ATF6: variants seen among roughly 807,000 people sequenced by gnomAD.
ATF6 encodes the protein activating transcription factor 6.
In ATF6, 53 loss-of-function variants were observed where a neutral mutation model predicts 83.6. The ratio of observed to expected loss-of-function variants is 0.63; its 90% confidence interval spans 0.51 to 0.80. ATF6 has a LOEUF of 0.80. ATF6 is among the 30% of genes least tolerant of loss of function. The probability of loss-of-function intolerance (pLI) is 0.00; values close to 1 mark genes in which losing one functional copy is unlikely to be tolerated. For missense variants in ATF6, 744 were observed against 797.9 expected, an observed-to-expected ratio of 0.93 and a Z score of 0.81; for synonymous variants, 288 against 285.8, an observed-to-expected ratio of 1.01 and a Z score of -0.08.
intron 14 of ATF6, among the ~76,000 whole-genome samples, chr1:161,886,142 A>G (rs558440848): frequency 6.6e-6 from 1 of 152,320 alleles, no homozygotes; most frequent in Non-Finnish European, 1.5e-5. Context: ...GTGGCATTTC[A>G]GACAGAGAGG....
At position 161,963,643 on chromosome 1, in the gene ATF6, G is replaced by A. The variant is rs1367439700; in HGVS notation, c.*4989G>A. The A allele has an allele frequency of 6.6e-6, 1 of 152,170 alleles. No homozygotes were observed. The highest frequency in any genetic ancestry group is 1.9e-4 in the East Asian group (1 of 5,202). 9.4% of individuals were successfully genotyped at this position (152,170 alleles called of 1,614,324 possible). On this transcript the variant is annotated 3_prime_UTR_variant, in exon 16 of 16. Transcript: ENST00000367942. ...TTGACTTTCACAGCAATTGTATATT[G>A]ATCCATTTTAACTCATCCTTGCCAT...
intron 14 of ATF6, among the ~76,000 whole-genome samples, chr1:161,892,628 C>CTTTTTTTTTTTT (rs773642361): frequency 8.0e-6 from 1 of 124,716 alleles, no homozygotes; most frequent in Non-Finnish European, 1.7e-5. Context: ...ACAGGTCATT[C>CTTTTTTTTTTTT]TTTTTTTTTT....
At position 161,823,332 on chromosome 1, in the gene ATF6, A is replaced by AT. The variant is rs201730232; in HGVS notation, c.1187+2179dup. Among the ~76,000 whole-genome samples the AT allele has an allele frequency of 2.8e-3, 424 of 151,858 alleles. 1 individual carries two copies. The highest frequency in any genetic ancestry group is 9.8e-3 in the African/African-American group (408 of 41,488). The stretch of plus-strand genomic sequence containing the variant: ...TACTACTTTATAGTTTTGTAAAAAT[A>AT]TTTTTTTTGGGGGGAAGCTCAAATA... On this transcript the variant is annotated intron_variant, in intron 9 of 15. Transcript: ENST00000367942.
intron 12 of ATF6, among the ~76,000 whole-genome samples, chr1:161,854,514 A>G (rs1355607410): frequency 6.6e-6 from 1 of 152,224 alleles, no homozygotes; most frequent in Admixed American, 6.5e-5. Flanking sequence ...CGAGAAGAAG[A>G]CAAGGGTTTG....
chr1:161,801,359 C>CTTTTT (rs1170991022), intron 6 of ATF6, among the ~76,000 whole-genome samples: 4 of 95,284 alleles, frequency 4.2e-5, no homozygotes, highest in Non-Finnish European at 6.3e-5. Context: ...TATTTGTAGT[C>CTTTTT]TTTTTTTTTT....
chr1:161,944,604 G>C (rs1688712454), intron 15 of ATF6, among the ~76,000 whole-genome samples: 1 of 152,124 alleles, frequency 6.6e-6, no homozygotes, highest in East Asian at 1.9e-4. Flanking sequence ...CAAAATGTAG[G>C]CTTGTCATCT....
At chr1:161,776,429 TTGGAAGCTGACATCTC>T (rs1684515563) in intron 1 of ATF6, among the ~76,000 whole-genome samples, 1 of 152,072 alleles carries the variant, frequency 6.6e-6, no homozygotes, top group African/African-American at 2.4e-5. Flanking sequence ...CCCTGCTTCT[TTGGAAGCTGACATCTC>T]TGTGTTGGGA....
In ATF6 at chr1:161,851,729, C is replaced by G. The variant is rs757042228; in HGVS notation, c.1327C>G (p.His443Asp). The G allele has an allele frequency of 3.7e-6, 6 of 1,611,808 alleles. No homozygotes were observed. The highest frequency in any genetic ancestry group is 1.7e-4 in the Middle Eastern group (1 of 6,048). ...TGTGCATCCATGTTTCAGATATGAT[C>G]ATTCTGTTTCAAATGACAAAGCCCT... is the stretch of plus-strand genomic sequence containing the variant. ...IIQKNSYRYDHSVSNDKALMV... is the reference protein window; with the variant it reads ...IIQKNSYRYDDSVSNDKALMV... The change falls in exon 11 of 16, where the codon CAT becomes GAT. Residue 443 changes from histidine to aspartate, a missense_variant. Transcript: ENST00000367942.
intron 13 of ATF6, among the ~76,000 whole-genome samples, chr1:161,861,104 C>T (rs1359202822): frequency 6.6e-6 from 1 of 152,114 alleles, no homozygotes; most frequent in African/African-American, 2.4e-5. Flanking sequence ...GAGCACTTAG[C>T]ATGGTACATA....
intron 14 of ATF6, among the ~76,000 whole-genome samples, chr1:161,910,576 A>G (rs1432809281): frequency 6.6e-6 from 1 of 152,182 alleles, no homozygotes; most frequent in Non-Finnish European, 1.5e-5. Context: ...ATTAAGTCTG[A>G]GCCTGACCTT....
rs558458886 is a variant in ATF6, at chr1:161,778,316, C to A, written c.155C>A (p.Thr52Lys). 1 of 1,611,342 alleles carries A rather than the reference C, an allele frequency of 6.2e-7. No homozygotes were observed. Among genetic ancestry groups the A allele is most frequent in the South Asian group, 1.1e-5 (1 of 90,990 alleles). The change falls in exon 2 of 16, where the codon ACG becomes AAG. Residue 52 changes from threonine to lysine, a missense_variant. Thr to Lys is a moderately conservative substitution (Grantham distance 78). Transcript: ENST00000367942. ...CTGCAATTGGAAGCAGCAAATGAGA[C>A]GTATGTAAGTATTTACTAAGGTTGA... ...DELQLEAANETYENNFDNLDF... is the reference protein window; with the variant it reads ...DELQLEAANEKYENNFDNLDF...
At chr1:161,951,571 A>G (rs560792702) in intron 15 of ATF6, among the ~76,000 whole-genome samples, 20 of 152,296 alleles carry the variant, frequency 1.3e-4, no homozygotes, top group Non-Finnish European at 2.1e-4. Flanking sequence ...TATGGAGTGG[A>G]TAGTCTAGTA....
At chr1:161,824,762 T>C (rs1475393601) in intron 9 of ATF6, among the ~76,000 whole-genome samples, 1 of 152,224 alleles carries the variant, frequency 6.6e-6, no homozygotes, top group African/African-American at 2.4e-5. Flanking sequence ...ACGTGGTACT[T>C]ATTTATTTAG....
chr1:161,826,983 G>A (rs1425628312), intron 9 of ATF6, among the ~76,000 whole-genome samples: 4 of 146,778 alleles, frequency 2.7e-5, no homozygotes, highest in Non-Finnish European at 5.9e-5. Flanking sequence ...CCAGGCTGGA[G>A]TGCAGTGGTG....
chr1:161,811,280 A>G (rs1177965910), intron 7 of ATF6, among the ~76,000 whole-genome samples: 3 of 152,242 alleles, frequency 2.0e-5, no homozygotes, highest in Non-Finnish European at 4.4e-5. Context: ...TTTTATAACT[A>G]TGTGAAAGAA....
intron 14 of ATF6, among the ~76,000 whole-genome samples, chr1:161,883,155 A>G (rs1687353977): frequency 6.6e-6 from 1 of 152,022 alleles, no homozygotes; most frequent in Non-Finnish European, 1.5e-5. Context: ...TTACACTACC[A>G]TCCATTATCT....
intron 9 of ATF6, among the ~76,000 whole-genome samples, chr1:161,829,429 C>G (rs899134427): frequency 5.9e-5 from 9 of 152,084 alleles, no homozygotes; most frequent in Admixed American, 2.6e-4. Flanking sequence ...CTACAGAACT[C>G]TCCACCCCAA....
intron 7 of ATF6, among the ~76,000 whole-genome samples, chr1:161,812,190 C>T (rs1021850751): frequency 1.1e-4 from 16 of 151,942 alleles, no homozygotes; most frequent in Admixed American, 7.9e-4. Context: ...AATCAGGGCC[C>T]TGAGGAATAC....
chr1:161,794,413 C>G (rs1339601378), intron 6 of ATF6, among the ~76,000 whole-genome samples: 1 of 152,146 alleles, frequency 6.6e-6, no homozygotes, highest in Non-Finnish European at 1.5e-5. Context: ...CTGAGATTCT[C>G]TAGCTTGGAA....
Sources: allele counts gnomAD v4.1 joint callset (sites outside exome capture counted in the v4.1 genomes callset), GRCh38; gene constraint gnomAD v4.1.1; transcripts MANE v1.5; gene names NCBI Gene and HGNC (gene_info 2026-07-23, HGNC 2026-07-21).